Variants in PRKD1 observed in about 807,000 individuals in gnomAD.
PRKD1 encodes the protein protein kinase D1.
PRKD1 carries 63 observed loss-of-function variants against 95.9 expected under a neutral mutation model. The observed-to-expected ratio is 0.66, with a 90% CI of 0.54 to 0.81. PRKD1 has a LOEUF of 0.81. PRKD1 is among the 30% of genes least tolerant of loss of function. The pLI is 0.00. For synonymous variants in PRKD1, 425 were observed against 423.1 expected, an observed-to-expected ratio of 1.00 and a Z score of -0.05; for missense variants, 1,048 against 1,165.3, an observed-to-expected ratio of 0.90 and a Z score of 1.47.
At chr14:29,624,657 T>C (rs1287589188) in intron 12 of PRKD1, among the ~76,000 whole-genome samples, 1 of 152,156 alleles carries the variant, frequency 6.6e-6, no homozygotes, top group African/African-American at 2.4e-5. Context: ...GGGGAAAGAA[T>C]TAAAGTCTTG....
intron 1 of PRKD1, among the ~76,000 whole-genome samples, chr14:29,848,939 C>T (rs1892190162): frequency 6.6e-6 from 1 of 151,738 alleles, no homozygotes; most frequent in Admixed American, 6.6e-5. Flanking sequence ...ACAACCACAA[C>T]AACAGAAGTT....
At chr14:29,684,077 CTAGT>C (rs1345163826) in intron 2 of PRKD1, among the ~76,000 whole-genome samples, 7 of 152,014 alleles carry the variant, frequency 4.6e-5, no homozygotes, top group South Asian at 2.1e-4. Context: ...CCCTGAGAGT[CTAGT>C]TCAAGAACCA....
intron 1 of PRKD1, among the ~76,000 whole-genome samples, chr14:29,898,581 G>A (rs557781108): frequency 6.5e-4 from 98 of 151,504 alleles, no homozygotes; most frequent in Admixed American, 1.8e-3. Flanking sequence ...TTAGCTATTA[G>A]ACTTCTCAAC....
chr14:29,720,769 G>A lies in PRKD1; in HGVS notation c.403+4767C>T, dbSNP rs574409338. Among the ~76,000 whole-genome samples the A allele has an allele frequency of 3.5e-5, 5 of 144,842 alleles. No individual in the cohort carries two copies. In the South Asian group the frequency reaches 1.1e-3, roughly 32 times the overall value. On this transcript the variant is annotated intron_variant, in intron 2 of 17. Coordinates refer to ENST00000331968, the MANE Select transcript of PRKD1 (RefSeq NM_002742.3). ...CACTCCAGCCTGGGTGACAGAGCAAGATTCTGTCTCAAAAAAAATAAATAA... is the reference window on the plus strand; with the variant it reads ...CACTCCAGCCTGGGTGACAGAGCAAAATTCTGTCTCAAAAAAAATAAATAA...
At position 29,796,519 on chromosome 14, in the gene PRKD1, T is replaced by C. The variant is rs45445301; in HGVS notation, c.265-70845A>G. 6.3e-3 allele frequency among the ~76,000 whole-genome samples: 964 copies of C among 152,302 alleles called. 21 individuals are homozygous for C. Among genetic ancestry groups the C allele is most frequent in the East Asian group, 0.039 (201 of 5,172 alleles). ...GGTAGTCATCAGTCTATAAATCATATTTAATGTCATGAGACTGAATGAGAT... is the reference window on the plus strand; with the variant it reads ...GGTAGTCATCAGTCTATAAATCATACTTAATGTCATGAGACTGAATGAGAT... On this transcript the variant is annotated intron_variant, in intron 1 of 17. Transcript: ENST00000331968.
Position 29,636,612 on chromosome 14 carries a change from T to C in PRKD1, c.986-118A>G, listed in dbSNP as rs1402839476. The C allele has an allele frequency of 5.2e-6, 5 of 969,982 alleles. No individual in the cohort carries two copies. The African/African-American group carries it at 6.7e-5, about 13-fold the overall frequency. The allele number at this position is 969,982 out of a possible 1,614,324, so 60.1% of individuals were successfully genotyped here. The stretch of plus-strand genomic sequence containing the variant: ...AAGCCCCAAAGAGGTAGTTCTGTGA[T>C]GAGTTTATTTTTTATTTTTTAACTT... On this transcript the variant is annotated intron_variant, in intron 6 of 17. Transcript: ENST00000331968.
intron 1 of PRKD1, among the ~76,000 whole-genome samples, chr14:29,835,889 C>A (rs1355166138): frequency 6.6e-6 from 1 of 152,176 alleles, no homozygotes; most frequent in African/African-American, 2.4e-5. Flanking sequence ...ACTTTTAAAT[C>A]TAGGTTTAAC....
chr14:29,661,036 A>C (rs866975733), intron 4 of PRKD1, among the ~76,000 whole-genome samples: 18 of 152,176 alleles, frequency 1.2e-4, no homozygotes, highest in African/African-American at 3.9e-4. Flanking sequence ...AGTTGATGAC[A>C]GTTGAAGTTT....
At chr14:29,847,065 T>C (rs750887579) in intron 1 of PRKD1, among the ~76,000 whole-genome samples, 2 of 152,154 alleles carry the variant, frequency 1.3e-5, no homozygotes, top group Non-Finnish European at 2.9e-5. Flanking sequence ...CAGCAATTTC[T>C]GTAACTCCTG....
At chr14:29,639,125 G>A (rs1314508571) in intron 4 of PRKD1, among the ~76,000 whole-genome samples, 1 of 151,876 alleles carries the variant, frequency 6.6e-6, no homozygotes, top group Non-Finnish European at 1.5e-5. Flanking sequence ...GAGAATTGGA[G>A]ATCAGAATGT....
chr14:29,772,368 GACA>G (rs1471348090), intron 1 of PRKD1, among the ~76,000 whole-genome samples: 1 of 152,124 alleles, frequency 6.6e-6, no homozygotes, highest in Non-Finnish European at 1.5e-5. Flanking sequence ...GCAGCTAGGA[GACA>G]ACATCTATGA....
chr14:29,624,365 G>A (rs1187588818), intron 12 of PRKD1, 107 bp from the exon 13 acceptor site: 2 of 631,332 alleles, frequency 3.2e-6, no homozygotes, highest in Non-Finnish European at 5.1e-6. Context: ...ATATTTCACT[G>A]AATAAATTAA....
At chr14:29,904,900 A>T (rs1348819385) in intron 1 of PRKD1, among the ~76,000 whole-genome samples, 6 of 152,206 alleles carry the variant, frequency 3.9e-5, no homozygotes, top group African/African-American at 1.4e-4. Flanking sequence ...CTTAGATTTG[A>T]ATTTTCAGTT....
intron 10 of PRKD1, among the ~76,000 whole-genome samples, chr14:29,629,695 C>A (rs1336544926): frequency 6.6e-6 from 1 of 151,956 alleles, no homozygotes; most frequent in African/African-American, 2.4e-5. Flanking sequence ...AAAATTTCTT[C>A]TTTAAAATTT....
intron 1 of PRKD1, among the ~76,000 whole-genome samples, chr14:29,773,387 G>A (rs1888594201): frequency 6.6e-6 from 1 of 150,900 alleles, no homozygotes; most frequent in African/African-American, 2.4e-5. Context: ...TTGAACTTGG[G>A]AGGTAGAGGT....
At chr14:29,616,729 G>A (rs149360186) in intron 13 of PRKD1, among the ~76,000 whole-genome samples, 1 of 152,318 alleles carries the variant, frequency 6.6e-6, no homozygotes, top group Non-Finnish European at 1.5e-5. Flanking sequence ...GGAGGTTCTA[G>A]AGGGGGATCT....
At chr14:29,784,270 T>C (rs1323550052) in intron 1 of PRKD1, among the ~76,000 whole-genome samples, 1 of 152,116 alleles carries the variant, frequency 6.6e-6, no homozygotes, top group Non-Finnish European at 1.5e-5. Context: ...GTCACCAAGA[T>C]ACCATACTGT....
chr14:29,893,396 A>G (rs1242137849), intron 1 of PRKD1, among the ~76,000 whole-genome samples: 1 of 124,738 alleles, frequency 8.0e-6, no homozygotes, highest in Non-Finnish European at 1.7e-5. Flanking sequence ...TATAATAGAA[A>G]GAGGTTTTTT....
intron 1 of PRKD1, among the ~76,000 whole-genome samples, chr14:29,772,042 C>T (rs1429174539): frequency 6.6e-6 from 1 of 152,190 alleles, no homozygotes; most frequent in South Asian, 2.1e-4. Context: ...GCGAATCATA[C>T]AATGACTCTC....
Sources: gnomAD v4.1 joint callset for allele counts (sites outside exome capture counted in the v4.1 genomes callset) on GRCh38, gnomAD v4.1.1 for gene constraint, MANE v1.5 for transcripts, NCBI Gene and HGNC (gene_info 2026-07-23, HGNC 2026-07-21) for gene names.